B4GALT1: variants seen among roughly 807,000 people sequenced by gnomAD.
The protein encoded by B4GALT1 is N-acetyllactosamine synthase.
A neutral mutation model predicts 34.9 loss-of-function variants in B4GALT1; 16 were observed. That is an observed-to-expected ratio of 0.46 (90% CI 0.31 to 0.70). The LOEUF (loss-of-function observed/expected upper bound fraction) is 0.70. Ranked by LOEUF, B4GALT1 falls within the 30% of genes least tolerant of loss-of-function variation. B4GALT1 has a pLI of 0.05. For missense variants in B4GALT1, 445 were observed against 530.5 expected, an observed-to-expected ratio of 0.84 and a Z score of 1.58; for synonymous variants, 221 against 218.1, an observed-to-expected ratio of 1.01 and a Z score of -0.12.
chr9:33,167,135 G>A lies in B4GALT1; in HGVS notation c.35C>T (p.Ala12Val), dbSNP rs550393470. 7 of 1,601,694 alleles carry A rather than the reference G, an allele frequency of 4.4e-6. No individual in the cohort carries two copies. The Admixed American group carries it at 1.0e-4, about 23-fold the overall frequency. Residue 12 changes from alanine to valine, a missense_variant, in exon 1 of 6, where the codon GCC becomes GTC. Physicochemically the swap from Ala to Val is moderately conservative, Grantham distance 64. Coordinates refer to ENST00000379731, the MANE Select transcript of B4GALT1 (RefSeq NM_001497.4). ...CTGTAGGGACGCGCCTGGCATCGCG[G>A]CGCTGCCGCTCAGGAGCGGCTCCCG... is the stretch of plus-strand genomic sequence containing the variant. ...RLREPLLSGS[A>V]AMPGASLQRA...
At chr9:33,130,402 G>C (rs1026147457) in intron 2 of B4GALT1, among the ~76,000 whole-genome samples, 5 of 151,314 alleles carry the variant, frequency 3.3e-5, no homozygotes, top group South Asian at 2.1e-4. Flanking sequence ...GCTATATCTT[G>C]AAATCCACGT....
chr9:33,144,873 T>C (rs1363987605), intron 1 of B4GALT1, among the ~76,000 whole-genome samples: 2 of 152,180 alleles, frequency 1.3e-5, no homozygotes, highest in African/African-American at 4.8e-5. Context: ...AGAGCAGCAA[T>C]CATGTATTGA....
chr9:33,116,355 C>A (rs1003145168), intron 3 of B4GALT1, among the ~76,000 whole-genome samples: 1 of 151,638 alleles, frequency 6.6e-6, no homozygotes, highest in Non-Finnish European at 1.5e-5. Flanking sequence ...CCTCAGCCTC[C>A]TGAGGAGCTG....
At chr9:33,171,271 CAT>C (rs1840838004), upstream of B4GALT1, among the ~76,000 whole-genome samples, 1 of 152,234 alleles carries the variant, frequency 6.6e-6, no homozygotes, top group Non-Finnish European at 1.5e-5. Flanking sequence ...TGGCTTCACT[CAT>C]GTGAATGGCA....
At chr9:33,134,135 T>C (rs1199482009) in intron 2 of B4GALT1, among the ~76,000 whole-genome samples, 1 of 152,182 alleles carries the variant, frequency 6.6e-6, no homozygotes, top group Non-Finnish European at 1.5e-5. Flanking sequence ...CTTACACTTC[T>C]TCAGAATCTC....
At position 33,143,316 on chromosome 9, in the gene B4GALT1, C is replaced by G. The variant is rs139962825; in HGVS notation, c.413-7892G>C. ...CCTGCCACATGCCTGACCTGCCACA[C>G]TTGGTAGTTCTTCTAAAACATGACT... On this transcript the variant is annotated intron_variant, in intron 1 of 5. Coordinates refer to ENST00000379731, the MANE Select transcript of B4GALT1 (RefSeq NM_001497.4). Among the ~76,000 whole-genome samples the G allele has an allele frequency of 1.9e-3, 291 of 152,306 alleles. 1 individual carries two copies. The highest frequency in any genetic ancestry group is 6.6e-3 in the African/African-American group (275 of 41,554).
At chr9:33,157,375 G>A (rs1840611469) in intron 1 of B4GALT1, among the ~76,000 whole-genome samples, 1 of 152,136 alleles carries the variant, frequency 6.6e-6, no homozygotes, top group African/African-American at 2.4e-5. Context: ...TAATTCAACT[G>A]AAGCAAAGAG....
intron 1 of B4GALT1, among the ~76,000 whole-genome samples, chr9:33,163,562 T>C (rs531853758): frequency 1.2e-4 from 18 of 152,188 alleles, no homozygotes; most frequent in African/African-American, 3.9e-4. Flanking sequence ...CAGCTTCAGG[T>C]ACTGCCCACC....
Position 33,113,843 on chromosome 9 carries a change from T to C in B4GALT1, c.995A>G (p.Asn332Ser), listed in dbSNP as rs1414680609. 6 of 1,614,052 alleles carry C rather than the reference T, an allele frequency of 3.7e-6. No individual in the cohort carries two copies. Among genetic ancestry groups the C allele is most frequent in the Non-Finnish European group, 5.1e-6 (6 of 1,180,038 alleles). Residue 332 changes from asparagine (N) to serine (S), a missense_variant, in exon 5 of 6, where the codon AAT becomes AGT. Asn to Ser is a conservative substitution (Grantham distance 46, BLOSUM62 1). Transcript: ENST00000379731. ...VFRGMSISRP[N>S]AVVGRCRMIR... Reference sequence around the variant, plus strand: ...CATGCGACACCTCCCGACCACAGCATTTGGGCGAGATATAGACATGCCTCT... The same window carrying C: ...CATGCGACACCTCCCGACCACAGCACTTGGGCGAGATATAGACATGCCTCT...
the B4GALT1 span, chr9:33,179,205 AGAATTGG>A: frequency 6.6e-6 from 1 of 152,250 alleles, no homozygotes; most frequent in Admixed American, 6.5e-5. Flanking sequence ...GGAGTGGTGA[AGAATTGG>A]GAATAATGCA....
chr9:33,122,120 CAT>C (rs1463215625), intron 2 of B4GALT1, among the ~76,000 whole-genome samples: 1 of 152,206 alleles, frequency 6.6e-6, no homozygotes, highest in Non-Finnish European at 1.5e-5. Flanking sequence ...TTGGGATCAA[CAT>C]AGTCAGAGCC....
Position 33,112,622 on chromosome 9 carries a change from C to T in B4GALT1, c.*832G>A, listed in dbSNP as rs137953955. On this transcript the variant is annotated 3_prime_UTR_variant, in exon 6 of 6. Coordinates refer to ENST00000379731, the MANE Select transcript of B4GALT1 (RefSeq NM_001497.4). The stretch of plus-strand genomic sequence containing the variant: ...AGGAAATTCAAGTTTACATAGCATG[C>T]CAAGAAAAATAAATTGTCATGACTT... 10 of 152,654 alleles carry T rather than the reference C, an allele frequency of 6.6e-5. No individual in the cohort carries two copies. Among genetic ancestry groups the T allele is most frequent in the African/African-American group, 2.4e-4 (10 of 41,530 alleles). 9.5% of individuals were successfully genotyped at this position (152,654 alleles called of 1,614,324 possible). A position where few individuals can be genotyped will look rare whatever the true frequency, so the allele number is the denominator to read the frequency against.
Position 33,167,100 on chromosome 9 carries a change from G to A in B4GALT1, c.70C>T (p.Arg24Cys). ...AGAGCGCAGACGGCCACGAGCAGGC[G>A]GCAGGCCCGCTGTAGGGACGCGCCT... ...MPGASLQRAC[R>C]LLVAVCALHL... The change falls in exon 1 of 6, where the codon CGC (arginine) becomes TGC (cysteine). Residue 24 changes from arginine to cysteine, a missense_variant. Transcript: ENST00000379731. The A allele has an allele frequency of 5.6e-6, 9 of 1,604,884 alleles. No individual in the cohort carries two copies. Among genetic ancestry groups the A allele is most frequent in the Non-Finnish European group, 7.6e-6 (9 of 1,178,846 alleles).
chr9:33,152,573 TA>T (rs1304028323), intron 1 of B4GALT1, among the ~76,000 whole-genome samples: 3 of 139,730 alleles, frequency 2.1e-5, no homozygotes, highest in East Asian at 2.1e-4. Context: ...AAAAAAGGGT[TA>T]AAAAAAAGAA....
intron 1 of B4GALT1, among the ~76,000 whole-genome samples, chr9:33,151,314 C>T (rs1325132728): frequency 2.0e-5 from 3 of 152,190 alleles, no homozygotes; most frequent in Admixed American, 6.5e-5. Context: ...AGTAAGTCTC[C>T]TGGGAGTTTT....
At chr9:33,173,776 T>G in the B4GALT1 span, among the ~76,000 whole-genome samples, 1 of 152,172 alleles carries the variant, frequency 6.6e-6, no homozygotes, top group South Asian at 2.1e-4. Flanking sequence ...CTAGGAATAT[T>G]ACAAGATGAA....
intron 1 of B4GALT1, among the ~76,000 whole-genome samples, chr9:33,150,342 T>C (rs891249957): frequency 2.6e-5 from 4 of 151,356 alleles, no homozygotes; most frequent in Non-Finnish European, 5.9e-5. Flanking sequence ...CCAAAGGATA[T>C]CCAGGAATTC....
chr9:33,111,854 G>C lies in B4GALT1; in HGVS notation c.*1600C>G, dbSNP rs1419583494. 1 of 152,542 alleles carries C rather than the reference G, an allele frequency of 6.6e-6. No homozygotes were observed. Among genetic ancestry groups the C allele is most frequent in the African/African-American group, 2.4e-5 (1 of 41,446 alleles). The allele number at this position is 152,542 out of a possible 1,614,324, so 9.4% of individuals were successfully genotyped here. A position where few individuals can be genotyped will look rare whatever the true frequency, so the allele number is the denominator to read the frequency against. On this transcript the variant is annotated 3_prime_UTR_variant, in exon 6 of 6. Transcript: ENST00000379731. ...TGGGTTTGTGACAGACAGCCCTGTG[G>C]GTGGGAGCCTCAACTGGGGTGGGAG...
intron 2 of B4GALT1, among the ~76,000 whole-genome samples, chr9:33,130,796 C>A (rs1840184024): frequency 6.6e-6 from 1 of 151,902 alleles, no homozygotes. Context: ...GGAGTTCAAA[C>A]CAATAGGAGG....
Sources: allele counts gnomAD v4.1 joint callset (sites outside exome capture counted in the v4.1 genomes callset), GRCh38; gene constraint gnomAD v4.1.1; transcripts MANE v1.5; gene names NCBI Gene and HGNC (gene_info 2026-07-23, HGNC 2026-07-21).